DENND2C: variants seen among roughly 807,000 people sequenced by gnomAD.
The protein encoded by DENND2C is DENN domain-containing protein 2C.
In DENND2C, 72 loss-of-function variants were observed where a neutral mutation model predicts 112.4. The observed-to-expected ratio is 0.64, with a 90% CI of 0.53 to 0.78. The LOEUF is 0.78. Ranked by LOEUF, DENND2C falls within the 30% of genes least tolerant of loss-of-function variation. The probability of loss-of-function intolerance (pLI) is 0.00; values close to 1 mark genes in which losing one functional copy is unlikely to be tolerated. For missense variants in DENND2C, 992 were observed against 1,113.8 expected, an observed-to-expected ratio of 0.89 and a Z score of 1.56; for synonymous variants, 329 against 381.6, an observed-to-expected ratio of 0.86 and a Z score of 1.61.
At chr1:114,619,752 A>G (rs1423959713) in intron 7 of DENND2C, among the ~76,000 whole-genome samples, 2 of 152,240 alleles carry the variant, frequency 1.3e-5, no homozygotes, top group African/African-American at 4.8e-5. Flanking sequence ...GGGTTACATA[A>G]TGACCCAAAA....
chr1:114,592,843 T>C (rs1469983046), intron 18 of DENND2C, among the ~76,000 whole-genome samples: 3 of 152,242 alleles, frequency 2.0e-5, no homozygotes, highest in African/African-American at 7.2e-5. Context: ...TCTGCTGTTA[T>C]CAAGGTCTTC....
intron 2 of DENND2C, among the ~76,000 whole-genome samples, chr1:114,646,559 G>A (rs1656994057): frequency 6.6e-6 from 1 of 152,116 alleles, no homozygotes; most frequent in Non-Finnish European, 1.5e-5. Flanking sequence ...ACAGCTAAAA[G>A]TGCACAAACA....
intron 1 of DENND2C, among the ~76,000 whole-genome samples, chr1:114,664,013 A>C (rs1419337898): frequency 1.3e-5 from 2 of 150,144 alleles, no homozygotes; most frequent in African/African-American, 4.9e-5. Flanking sequence ...ATCTTGGCTA[A>C]CTGCAATCTC....
chr1:114,657,323 TA>T (rs1490949837), intron 1 of DENND2C, among the ~76,000 whole-genome samples: 1 of 152,244 alleles, frequency 6.6e-6, no homozygotes, highest in Non-Finnish European at 1.5e-5. Flanking sequence ...CATCATATTT[TA>T]TTTTTTAAGA....
At chr1:114,609,455 C>T (rs1655754018) in intron 9 of DENND2C, among the ~76,000 whole-genome samples, 1 of 152,178 alleles carries the variant, frequency 6.6e-6, no homozygotes, top group African/African-American at 2.4e-5. Flanking sequence ...TGGTGCTACA[C>T]ACAAGAGAAA....
chr1:114,601,676 T>C, intron 12 of DENND2C, 91 bp from the exon 13 acceptor site: 1 of 1,125,838 alleles, frequency 8.9e-7, no homozygotes, highest in Non-Finnish European at 1.3e-6. Context: ...TTTACTACTC[T>C]TTAGTACGGA....
At chr1:114,603,789 T>C (rs1655585998) in intron 11 of DENND2C, among the ~76,000 whole-genome samples, 1 of 151,534 alleles carries the variant, frequency 6.6e-6, no homozygotes, top group Admixed American at 6.6e-5. Flanking sequence ...TCCTCCCACC[T>C]TAGCCTCAAA....
chr1:114,656,788 TG>T (rs1219968751), intron 1 of DENND2C, among the ~76,000 whole-genome samples: 1 of 151,254 alleles, frequency 6.6e-6, no homozygotes, highest in Non-Finnish European at 1.5e-5. Context: ...AATAGGCATA[TG>T]TTCTGGGGCT....
Position 114,667,945 on chromosome 1 carries a change from G to A in DENND2C, c.-574+2038C>T, listed in dbSNP as rs74636109. ...ATACATGTAAAGAATTTAGAATACTGCCTGGCACAGACTAGGTACCAATGA... is the reference window on the plus strand; with the variant it reads ...ATACATGTAAAGAATTTAGAATACTACCTGGCACAGACTAGGTACCAATGA... On this transcript the variant is annotated intron_variant, in intron 1 of 20. Transcript: ENST00000393274. Among the ~76,000 whole-genome samples the A allele has an allele frequency of 1.7e-3, 255 of 152,256 alleles. 5 individuals carry two copies. The South Asian group carries it at 0.028, about 17-fold the overall frequency.
At chr1:114,597,170 G>A (rs1007879760) in intron 16 of DENND2C, among the ~76,000 whole-genome samples, 11 of 152,268 alleles carry the variant, frequency 7.2e-5, no homozygotes, top group South Asian at 2.1e-4. Flanking sequence ...AACGCCAGGC[G>A]CAGTGGCTCA....
intron 8 of DENND2C, among the ~76,000 whole-genome samples, chr1:114,611,679 T>A (rs1002657783): frequency 6.6e-6 from 1 of 152,142 alleles, no homozygotes; most frequent in African/African-American, 2.4e-5. Flanking sequence ...TGCTTTGAAC[T>A]ATTCTTACTT....
intron 6 of DENND2C, 72 bp from the exon 7 acceptor site, chr1:114,622,137 G>A (rs1656184362): frequency 7.0e-7 from 1 of 1,433,996 alleles, no homozygotes; most frequent in Non-Finnish European, 9.3e-7. Context: ...TGTTTGAGAT[G>A]GGGTCTTGCT....
At chr1:114,593,700 G>C (rs1444146509) in intron 18 of DENND2C, among the ~76,000 whole-genome samples, 1 of 152,144 alleles carries the variant, frequency 6.6e-6, no homozygotes, top group East Asian at 1.9e-4. Context: ...TTGAGCCCAG[G>C]AGGTTGAGGC....
intron 2 of DENND2C, among the ~76,000 whole-genome samples, chr1:114,646,263 G>C (rs1398973122): frequency 6.6e-6 from 1 of 152,034 alleles, no homozygotes; most frequent in Non-Finnish European, 1.5e-5. Flanking sequence ...TTACCTCGTA[G>C]GGACACACTG....
At chr1:114,650,448 A>C (rs1657123336) in intron 2 of DENND2C, among the ~76,000 whole-genome samples, 1 of 151,674 alleles carries the variant, frequency 6.6e-6, no homozygotes, top group South Asian at 2.1e-4. Flanking sequence ...ATGGATCACG[A>C]GGTCAGGAGA....
intron 1 of DENND2C, among the ~76,000 whole-genome samples, chr1:114,659,407 C>G (rs1657425583): frequency 6.6e-6 from 1 of 152,050 alleles, no homozygotes; most frequent in South Asian, 2.1e-4. Flanking sequence ...GAAGCTGAGG[C>G]AGGAGAATCA....
At chr1:114,663,802 T>C (rs913894258) in intron 1 of DENND2C, among the ~76,000 whole-genome samples, 3 of 152,238 alleles carry the variant, frequency 2.0e-5, no homozygotes, top group East Asian at 1.9e-4. Context: ...TGCTTATTCA[T>C]TGAAGCGTTG....
intron 3 of DENND2C, among the ~76,000 whole-genome samples, chr1:114,632,574 T>A (rs1043852247): frequency 6.6e-6 from 1 of 152,152 alleles, no homozygotes; most frequent in Non-Finnish European, 1.5e-5. Context: ...CTGTAAAAAT[T>A]TGTCAACAGC....
At chr1:114,638,653 C>T (rs1043980608) in intron 3 of DENND2C, among the ~76,000 whole-genome samples, 3 of 150,056 alleles carry the variant, frequency 2.0e-5, no homozygotes, top group African/African-American at 7.4e-5. Context: ...ATCCCAGCTA[C>T]TTGGGAGGCT....
Sources: allele counts gnomAD v4.1 joint callset (sites outside exome capture counted in the v4.1 genomes callset), GRCh38; gene constraint gnomAD v4.1.1; transcripts MANE v1.5; gene names NCBI Gene and HGNC (gene_info 2026-07-23, HGNC 2026-07-21).